The following CFAP47 variants were observed in gnomAD, a reference collection of about 807,000 sequenced individuals.
CFAP47 encodes the protein cilia and flagella associated protein 47.
In CFAP47, 29 loss-of-function variants were observed where a neutral mutation model predicts 148.1. That is an observed-to-expected ratio of 0.20 (90% CI 0.15 to 0.27). The LOEUF (loss-of-function observed/expected upper bound fraction) is 0.27. Ranked by LOEUF, CFAP47 falls within the 10% of genes least tolerant of loss-of-function variation. The pLI, the probability that CFAP47 is intolerant of heterozygous loss-of-function variation, is 1.00. For missense variants in CFAP47, 1,872 were observed against 1,697.5 expected, an observed-to-expected ratio of 1.10 and a Z score of -1.81; for synonymous variants, 664 against 577.3, an observed-to-expected ratio of 1.15 and a Z score of -2.15.
intron 21 of CFAP47, among the ~76,000 whole-genome samples, chrX:36,012,844 T>TA (rs1369716408): frequency 9.0e-6 from 1 of 111,341 alleles, no homozygotes; most frequent in Non-Finnish European, 1.9e-5. Context: ...TAAATTAAGT[T>TA]AAAAAAATAA....
At chrX:36,111,992 C>T (rs775383944) in intron 33 of CFAP47, among the ~76,000 whole-genome samples, 11 of 111,505 alleles carry the variant, frequency 9.9e-5, no homozygotes, top group South Asian at 3.7e-4. Flanking sequence ...GATCTTCTCT[C>T]TTGTCTTCTT....
intron 61 of CFAP47, 42 bp from the exon 62 acceptor site, chrX:36,366,924 G>T: frequency 2.1e-6 from 2 of 934,852 alleles, no homozygotes; most frequent in Non-Finnish European, 2.9e-6. Context: ...CTCTTTACTT[G>T]TTTTCACGTA....
intron 33 of CFAP47, among the ~76,000 whole-genome samples, chrX:36,109,775 A>C (rs992115004): frequency 1.8e-5 from 2 of 111,588 alleles, no homozygotes; most frequent in Non-Finnish European, 3.8e-5. Context: ...CGCCCAGCCT[A>C]CTTTTTGACT....
At chrX:36,331,683 C>T (rs1434054150) in intron 57 of CFAP47, among the ~76,000 whole-genome samples, 2 of 111,116 alleles carry the variant, frequency 1.8e-5, no homozygotes, top group African/African-American at 6.5e-5. Context: ...TGCAAATTTC[C>T]AACACATTAG....
At chrX:36,169,405 C>T (rs1398093877) in intron 39 of CFAP47, among the ~76,000 whole-genome samples, 1 of 107,930 alleles carries the variant, frequency 9.3e-6, no homozygotes, top group Admixed American at 1.0e-4. Context: ...TCTCATTAGA[C>T]TTATGTTGGT....
intron 17 of CFAP47, 146 bp from the exon 18 acceptor site, chrX:35,993,044 T>C (rs1936806315): frequency 8.1e-6 from 2 of 246,390 alleles, no homozygotes; most frequent in African/African-American, 5.7e-5. Flanking sequence ...GTACCTTTGG[T>C]ATTTTCAAAC....
intron 45 of CFAP47, among the ~76,000 whole-genome samples, chrX:36,210,821 A>G (rs1489124983): frequency 1.8e-5 from 2 of 112,587 alleles, no homozygotes; most frequent in Non-Finnish European, 3.7e-5. Flanking sequence ...CTTTCTTGTA[A>G]GACTTTCATA....
chrX:36,303,491 A>G (rs1411100891), intron 53 of CFAP47, among the ~76,000 whole-genome samples: 1 of 109,984 alleles, frequency 9.1e-6, no homozygotes, highest in Non-Finnish European at 1.9e-5. Flanking sequence ...GGTCTTTTTT[A>G]GCTTCTTCTG....
intron 49 of CFAP47, among the ~76,000 whole-genome samples, chrX:36,259,392 G>T (rs782630073): frequency 2.6e-4 from 29 of 110,808 alleles, no homozygotes; most frequent in African/African-American, 7.5e-4. Flanking sequence ...AGTATTTGAG[G>T]CTTATTAGAA....
chrX:36,194,372 T>C (rs1474615166), intron 42 of CFAP47, among the ~76,000 whole-genome samples: 3 of 111,546 alleles, frequency 2.7e-5, no homozygotes, highest in African/African-American at 6.5e-5. Context: ...TTCTATCTCC[T>C]TCTGAGCCCT....
chrX:35,922,555 G>A (rs1662009272), intron 1 of CFAP47, among the ~76,000 whole-genome samples: 1 of 112,920 alleles, frequency 8.9e-6, no homozygotes, highest in South Asian at 3.6e-4. Flanking sequence ...AACCTGATAT[G>A]TGGACTTCCA....
In CFAP47 at chrX:36,384,908, C is replaced by A. The variant is rs782728725; in HGVS notation, c.9466C>A (p.Pro3156Thr). The A allele has an allele frequency of 2.6e-6, 3 of 1,165,025 alleles. No homozygotes were observed. The highest frequency in any genetic ancestry group is 3.4e-6 in the Non-Finnish European group (3 of 870,569). ...TACTCACAAGACACATGACAACATG[C>A]CAGTCCGTCCACATAATTTTGTCCG... ...DATHKTHDNM[P>T]VRPHNFVREN... Residue 3156 changes from proline to threonine, a missense_variant, in exon 64 of 64, where the codon CCA becomes ACA. By Grantham distance (38) the Pro-to-Thr change is conservative (BLOSUM62 -1). Transcript: ENST00000378653.
At chrX:36,379,300 A>G in intron 62 of CFAP47, 50 bp from the exon 63 acceptor site, 9 of 1,081,947 alleles carry the variant, frequency 8.3e-6, no homozygotes, top group East Asian at 3.3e-5. Flanking sequence ...CACAAAGAGA[A>G]TGAAGTAATG....
chrX:36,145,379 G>T, intron 36 of CFAP47, 26 bp downstream of exon 36: 1 of 295,172 alleles, frequency 3.4e-6, no homozygotes, highest in Non-Finnish European at 5.9e-6. Context: ...GGGTCAAAAT[G>T]TGTAAGGAGT....
chrX:36,377,695 A>G (rs903988820), intron 62 of CFAP47, among the ~76,000 whole-genome samples: 8 of 111,799 alleles, frequency 7.2e-5, no homozygotes, highest in Non-Finnish European at 1.5e-4. Flanking sequence ...TAATTCCCTT[A>G]GGTGCCCTGT....
At chrX:36,017,299 A>G (rs773933500) in intron 22 of CFAP47, among the ~76,000 whole-genome samples, 1 of 111,986 alleles carries the variant, frequency 8.9e-6, no homozygotes, top group Non-Finnish European at 1.9e-5. Context: ...CCCTTGTCAG[A>G]TGGGTAGTTT....
intron 63 of CFAP47, among the ~76,000 whole-genome samples, chrX:36,382,583 T>A (rs1458662986): frequency 9.0e-6 from 1 of 111,365 alleles, no homozygotes; most frequent in Non-Finnish European, 1.9e-5. Context: ...GTATCAATTG[T>A]TTCCATTCAT....
At chrX:36,283,153 G>T (rs1376421569) in intron 50 of CFAP47, among the ~76,000 whole-genome samples, 1 of 111,403 alleles carries the variant, frequency 9.0e-6, no homozygotes, top group East Asian at 2.8e-4. Flanking sequence ...CTGTCATTTA[G>T]TCATGAAATT....
intron 30 of CFAP47, among the ~76,000 whole-genome samples, chrX:36,092,810 A>G (rs1364729306): frequency 9.1e-6 from 1 of 110,172 alleles, no homozygotes; most frequent in Non-Finnish European, 1.9e-5. Flanking sequence ...ATTATTGACT[A>G]GAGTCACTCT....
Sources: allele counts gnomAD v4.1 joint callset (sites outside exome capture counted in the v4.1 genomes callset), GRCh38; gene constraint gnomAD v4.1.1; transcripts MANE v1.5; gene names NCBI Gene and HGNC (gene_info 2026-07-23, HGNC 2026-07-21).